CNBD1: variants seen among roughly 807,000 people sequenced by gnomAD.
CNBD1 encodes cyclic nucleotide-binding domain-containing protein 1.
A neutral mutation model predicts 54.4 loss-of-function variants in CNBD1; 71 were observed. That is an observed-to-expected ratio of 1.30 (90% CI 1.08 to 1.59). CNBD1 has a LOEUF of 1.59. Ranked by LOEUF, CNBD1 falls within the 40% of genes most tolerant of loss-of-function variation. The pLI, the probability that CNBD1 is intolerant of heterozygous loss-of-function variation, is 0.00. For missense variants in CNBD1, 659 were observed against 518.0 expected (o/e 1.27, Z -2.64); for synonymous variants, 182 against 170.7 (o/e 1.07, Z -0.51).
intron 8 of CNBD1, among the ~76,000 whole-genome samples, chr8:87,321,701 C>G (rs934245455): frequency 3.7e-4 from 56 of 151,886 alleles, no homozygotes; most frequent in Non-Finnish European, 2.9e-4. Flanking sequence ...TTGATATAAT[C>G]TCATTTGTCT....
At chr8:87,356,797 A>G (rs1320759780) in intron 10 of CNBD1, among the ~76,000 whole-genome samples, 2 of 152,160 alleles carry the variant, frequency 1.3e-5, no homozygotes, top group Non-Finnish European at 2.9e-5. Context: ...ACAAGTGCCA[A>G]TATTCAAGAT....
chr8:87,104,971 TA>T (rs972421405), intron 4 of CNBD1, among the ~76,000 whole-genome samples: 7 of 152,226 alleles, frequency 4.6e-5, no homozygotes, highest in African/African-American at 1.7e-4. Context: ...TAATAATTTT[TA>T]TTTCACGGTA....
intron 4 of CNBD1, among the ~76,000 whole-genome samples, chr8:86,981,344 G>A (rs1040354435): frequency 3.3e-5 from 5 of 151,984 alleles, no homozygotes; most frequent in South Asian, 2.1e-4. Context: ...CAAATTTCTG[G>A]TTTTTCCCTC....
intron 10 of CNBD1, among the ~76,000 whole-genome samples, chr8:87,370,567 T>G (rs920691093): frequency 3.3e-5 from 5 of 152,148 alleles, no homozygotes; most frequent in Non-Finnish European, 7.3e-5. Flanking sequence ...CACTTTTTGA[T>G]GGGGTTGTTT....
intron 4 of CNBD1, among the ~76,000 whole-genome samples, chr8:86,995,387 G>C (rs973173133): frequency 6.6e-6 from 1 of 152,166 alleles, no homozygotes; most frequent in African/African-American, 2.4e-5. Context: ...ACAAGTGAGA[G>C]TGGCTGTGTT....
chr8:87,408,226 C>G (rs1341811907), intron 2 of CNBD1, among the ~76,000 whole-genome samples: 1 of 151,940 alleles, frequency 6.6e-6, no homozygotes, highest in Non-Finnish European at 1.5e-5. Flanking sequence ...TACTATAATT[C>G]TATGTTTGTC....
At chr8:87,304,756 A>C (rs565659978) in intron 8 of CNBD1, among the ~76,000 whole-genome samples, 1 of 152,154 alleles carries the variant, frequency 6.6e-6, no homozygotes, top group Non-Finnish European at 1.5e-5. Flanking sequence ...AACAAGGGAC[A>C]TATCTTAATG....
intron 4 of CNBD1, among the ~76,000 whole-genome samples, chr8:86,995,219 T>G (rs1808841940): frequency 6.6e-6 from 1 of 152,120 alleles, no homozygotes; most frequent in Non-Finnish European, 1.5e-5. Context: ...GAGATAAGAA[T>G]ACATAAATAT....
chr8:87,270,335 A>G (rs1808336655), intron 6 of CNBD1, among the ~76,000 whole-genome samples: 1 of 151,976 alleles, frequency 6.6e-6, no homozygotes, highest in South Asian at 2.1e-4. Context: ...AAGAAGACAT[A>G]TATGTGGCCA....
intron 10 of CNBD1, among the ~76,000 whole-genome samples, chr8:87,354,228 T>C (rs1266344233): frequency 6.6e-6 from 1 of 151,924 alleles, no homozygotes; most frequent in Non-Finnish European, 1.5e-5. Flanking sequence ...AATGGTATAG[T>C]AATAATAATA....
intron 4 of CNBD1, among the ~76,000 whole-genome samples, chr8:86,972,211 A>G (rs1461560929): frequency 6.6e-6 from 1 of 152,158 alleles, no homozygotes; most frequent in East Asian, 1.9e-4. Context: ...CGGCCTCCCA[A>G]AGTGCTGGGA....
intron 4 of CNBD1, among the ~76,000 whole-genome samples, chr8:87,005,364 C>T (rs1040613420): frequency 2.3e-4 from 34 of 150,042 alleles, no homozygotes; most frequent in Admixed American, 1.5e-3. Flanking sequence ...AGCGAGACTC[C>T]GTCTCAAAAA....
chr8:87,084,349 A>G (rs1011748188), intron 4 of CNBD1, among the ~76,000 whole-genome samples: 8 of 152,104 alleles, frequency 5.3e-5, no homozygotes, highest in African/African-American at 1.9e-4. Context: ...TTGAGTTAAT[A>G]TTTCTTGTAG....
chr8:86,905,529 T>G, intron 3 of CNBD1, among the ~76,000 whole-genome samples: 1 of 151,796 alleles, frequency 6.6e-6, no homozygotes. Context: ...ATGATTAGAG[T>G]GTTTGTGGGT....
chr8:87,212,555 T>C (rs1168979331), intron 5 of CNBD1, among the ~76,000 whole-genome samples: 1 of 152,178 alleles, frequency 6.6e-6, no homozygotes, highest in Non-Finnish European at 1.5e-5. Context: ...ATGTTTTAAC[T>C]TGATGGTCTA....
intron 4 of CNBD1, among the ~76,000 whole-genome samples, chr8:86,975,729 C>T (rs916079661): frequency 4.6e-5 from 7 of 151,818 alleles, no homozygotes; most frequent in Non-Finnish European, 1.0e-4. Context: ...ATTTCCATTC[C>T]GTTGGAGATA....
intron 1 of CNBD1, among the ~76,000 whole-genome samples, chr8:86,883,345 T>C (rs57597886): frequency 0.024 from 3,729 of 152,224 alleles, 150 homozygotes; most frequent in African/African-American, 0.083. Flanking sequence ...CTGGGCAACA[T>C]TCACGTGAAT....
intron 2 of CNBD1, among the ~76,000 whole-genome samples, chr8:86,895,397 A>T (rs1808835319): frequency 6.6e-6 from 1 of 152,170 alleles, no homozygotes; most frequent in Admixed American, 6.5e-5. Flanking sequence ...AAGTTTTAGC[A>T]ATTACAAATA....
intron 8 of CNBD1, among the ~76,000 whole-genome samples, chr8:87,346,539 CTCTA>C (rs1213071388): frequency 1.7e-4 from 26 of 151,960 alleles, no homozygotes; most frequent in South Asian, 4.2e-4. Flanking sequence ...ATTGTGATGT[CTCTA>C]TCTATGTGTA....
Sources: gnomAD v4.1 joint callset for allele counts (sites outside exome capture counted in the v4.1 genomes callset) on GRCh38, gnomAD v4.1.1 for gene constraint, MANE v1.5 for transcripts, NCBI Gene and HGNC (gene_info 2026-07-23, HGNC 2026-07-21) for gene names.